Variants in NKIRAS1 observed in about 807,000 individuals in gnomAD.
NKIRAS1 encodes NF-kappa-B inhibitor-interacting Ras-like protein 1.
Under a neutral mutation model 19.8 loss-of-function variants are expected in NKIRAS1, and 16 were observed. The ratio of observed to expected loss-of-function variants is 0.81; its 90% CI spans 0.55 to 1.23. The LOEUF (loss-of-function observed/expected upper bound fraction) is 1.23. NKIRAS1 is among the 50% of genes most tolerant of loss of function. The pLI is 0.00. For missense variants in NKIRAS1, 184 were observed against 220.0 expected, an observed-to-expected ratio of 0.84 and a Z score of 1.04; for synonymous variants, 88 against 79.0, an observed-to-expected ratio of 1.11 and a Z score of -0.61.
intron 3 of NKIRAS1, among the ~76,000 whole-genome samples, chr3:23,908,060 A>G (rs1344307942): frequency 6.6e-6 from 1 of 152,224 alleles, no homozygotes; most frequent in Non-Finnish European, 1.5e-5. Context: ...TCAGGCAAAA[A>G]TCAGAATTGT....
Position 23,893,262 on chromosome 3 carries a change from A to T in NKIRAS1, c.412T>A (p.Trp138Arg). 1 of 1,614,026 alleles carries T rather than the reference A, an allele frequency of 6.2e-7. No homozygotes were observed. Reference sequence around the variant, plus strand: ...AGTCTTACTTTCTCACTTTTTGCCCACTGCTGTGCCACTTCAGCGTCCACT... The same window carrying T: ...AGTCTTACTTTCTCACTTTTTGCCCTCTGCTGTGCCACTTCAGCGTCCACT... ...RQVDAEVAQQ[W>R]AKSEKVRLWE... The change falls in exon 5 of 5, where the codon TGG becomes AGG. Residue 138 changes from tryptophan (W) to arginine (R), a missense_variant. By Grantham distance (101) the Trp-to-Arg change is moderately radical. Coordinates refer to ENST00000425478, the MANE Select transcript of NKIRAS1 (RefSeq NM_020345.4).
At chr3:23,901,281 G>A (rs866641260) in intron 3 of NKIRAS1, among the ~76,000 whole-genome samples, 1 of 151,396 alleles carries the variant, frequency 6.6e-6, no homozygotes, top group Non-Finnish European at 1.5e-5. Context: ...TGGGCTCAAG[G>A]GATCCTCCCA....
chr3:23,909,571 C>T (rs1292954987), intron 3 of NKIRAS1, among the ~76,000 whole-genome samples: 1 of 152,082 alleles, frequency 6.6e-6, no homozygotes, highest in Non-Finnish European at 1.5e-5. Flanking sequence ...GAAAAAAATG[C>T]TTTGATGATC....
In NKIRAS1 at chr3:23,900,901, G is replaced by T; in HGVS notation, c.243C>A (p.Gly81=). The part of the protein sequence containing the change: ...LPKHYFSFAD[G]FVLVYSVNNL... ...TATTCACACTGTACACAAGAACGAAGCCATCAGCAAATGAAAAATAATGCT... is the reference window on the plus strand; with the variant it reads ...TATTCACACTGTACACAAGAACGAATCCATCAGCAAATGAAAAATAATGCT... The change falls in exon 4 of 5, where the codon GGC becomes GGA. Residue 81 remains glycine, a synonymous_variant. Transcript: ENST00000425478. 3 of 1,614,070 alleles carry T rather than the reference G, an allele frequency of 1.9e-6. No individual in the cohort carries two copies. Among genetic ancestry groups the T allele is most frequent in the Non-Finnish European group, 2.5e-6 (3 of 1,179,964 alleles).
chr3:23,915,414 T>G (rs776822807), intron 1 of NKIRAS1, among the ~76,000 whole-genome samples: 16 of 152,326 alleles, frequency 1.1e-4, no homozygotes, highest in African/African-American at 2.2e-4. Context: ...CCTAGTCTGA[T>G]GTACAAACTA....
intron 3 of NKIRAS1, among the ~76,000 whole-genome samples, chr3:23,909,855 T>G (rs1023412078): frequency 2.4e-4 from 28 of 115,592 alleles, no homozygotes; most frequent in Non-Finnish European, 4.0e-4. Flanking sequence ...GTTGTTTTTG[T>G]TTTTTTTTGT....
upstream of NKIRAS1, chr3:23,919,871 G>GT: frequency 1.0e-6 from 1 of 1,001,450 alleles, no homozygotes; most frequent in East Asian, 1.0e-4. Flanking sequence ...TGCTCTGCTG[G>GT]TTTATTTTCA....
chr3:23,907,679 T>C (rs1266282469), intron 3 of NKIRAS1, among the ~76,000 whole-genome samples: 1 of 152,180 alleles, frequency 6.6e-6, no homozygotes, highest in Non-Finnish European at 1.5e-5. Context: ...CTCTTCACCA[T>C]CCTGTGCTTG....
intron 1 of NKIRAS1, among the ~76,000 whole-genome samples, chr3:23,942,592 C>T (rs6790140): frequency 6.1e-3 from 926 of 152,014 alleles, no homozygotes; most frequent in Middle Eastern, 0.02. Flanking sequence ...CCACCATGCC[C>T]GGCTAATTTT....
At chr3:23,899,328 A>AG (rs1353643729) in intron 4 of NKIRAS1, among the ~76,000 whole-genome samples, 1 of 152,164 alleles carries the variant, frequency 6.6e-6, no homozygotes, top group Non-Finnish European at 1.5e-5. Flanking sequence ...AAACTGGGTA[A>AG]GGGATCTCTC....
chr3:23,921,534 T>C (rs550975027), upstream of NKIRAS1: 47 of 682,538 alleles, frequency 6.9e-5, 1 homozygote, highest in South Asian at 6.5e-4. Flanking sequence ...TATTTCTATA[T>C]TGGCATGTAA....
upstream of NKIRAS1, chr3:23,917,663 G>A: frequency 1.7e-6 from 1 of 585,944 alleles, no homozygotes; most frequent in Non-Finnish European, 3.0e-6. Flanking sequence ...TGGGGTTGCG[G>A]AAGTGACTGA....
chr3:23,890,210 C>T lies in NKIRAS1; in HGVS notation c.*2885G>A, dbSNP rs570858108. On this transcript the variant is annotated 3_prime_UTR_variant, in exon 5 of 5. Coordinates refer to ENST00000425478, the MANE Select transcript of NKIRAS1 (RefSeq NM_020345.4). ...CTTGACCGTTCCAGTCTCTACTGAA[C>T]TCAGCCTAACACATAAGAGTAAAGA... 2.9e-4 allele frequency among the ~76,000 whole-genome samples: 44 copies of T among 152,198 alleles called. No individual in the cohort carries two copies. The highest frequency in any genetic ancestry group is 5.6e-4 in the Non-Finnish European group (38 of 68,028).
At chr3:23,934,832 T>TG (rs1259360320) in intron 1 of NKIRAS1, among the ~76,000 whole-genome samples, 1 of 86,430 alleles carries the variant, frequency 1.2e-5, no homozygotes, top group Non-Finnish European at 2.8e-5. Flanking sequence ...CTTGCTCTCT[T>TG]GAAAAAAAAA....
At position 23,890,827 on chromosome 3, in the gene NKIRAS1, T is replaced by C; in HGVS notation, c.*2268A>G. ...TTTAAAATTGTCATTAGTTCTGCAA[T>C]ATTAGCTGAAATGTAGTACAGAAAA... On this transcript the variant is annotated 3_prime_UTR_variant, in exon 5 of 5. Transcript: ENST00000425478. 4.8e-6 allele frequency: 2 copies of C among 416,576 alleles called. No homozygotes were observed. Among genetic ancestry groups the C allele is most frequent in the Non-Finnish European group, 4.2e-6 (1 of 235,812 alleles). 25.8% of individuals were successfully genotyped at this position (416,576 alleles called of 1,614,324 possible).
At chr3:23,906,691 G>T (rs1397449510) in intron 3 of NKIRAS1, among the ~76,000 whole-genome samples, 1 of 150,776 alleles carries the variant, frequency 6.6e-6, no homozygotes, top group African/African-American at 2.4e-5. Flanking sequence ...AACCCAGGAG[G>T]TGGAGGCTGC....
chr3:23,918,615 T>C (rs554939025), upstream of NKIRAS1: 4 of 1,597,480 alleles, frequency 2.5e-6, no homozygotes, highest in South Asian at 4.5e-5. Flanking sequence ...GAATACTGCC[T>C]GGGGATGGTG....
chr3:23,943,198 G>A (rs1169980330), intron 1 of NKIRAS1, among the ~76,000 whole-genome samples: 1 of 152,144 alleles, frequency 6.6e-6, no homozygotes, highest in African/African-American at 2.4e-5. Flanking sequence ...CTAGCCTTTA[G>A]TAACCACTGA....
chr3:23,901,418 C>T (rs1475517995), intron 3 of NKIRAS1, among the ~76,000 whole-genome samples: 1 of 152,066 alleles, frequency 6.6e-6, no homozygotes, highest in Admixed American at 6.5e-5. Context: ...CTCCTGGGCT[C>T]AAGCAATCTA....
Sources: allele counts gnomAD v4.1 joint callset (sites outside exome capture counted in the v4.1 genomes callset), GRCh38; gene constraint gnomAD v4.1.1; transcripts MANE v1.5; gene names NCBI Gene and HGNC (gene_info 2026-07-23, HGNC 2026-07-21).